TGFBR3: variants seen among roughly 807,000 people sequenced by gnomAD.
TGFBR3 encodes the protein transforming growth factor beta receptor type 3.
In TGFBR3, 46 loss-of-function variants were observed where a neutral mutation model predicts 87.9. The observed-to-expected ratio is 0.52, with a 90% CI of 0.41 to 0.67. TGFBR3 has a LOEUF of 0.67. TGFBR3 is among the 30% of genes least tolerant of loss of function. The pLI is 0.00. For missense variants in TGFBR3, 866 were observed against 1,041.9 expected, an observed-to-expected ratio of 0.83 and a Z score of 2.32; for synonymous variants, 381 against 391.6, an observed-to-expected ratio of 0.97 and a Z score of 0.32.
At chr1:91,746,249 T>C (rs1391511425) in intron 4 of TGFBR3, among the ~76,000 whole-genome samples, 2 of 152,166 alleles carry the variant, frequency 1.3e-5, no homozygotes, top group Non-Finnish European at 2.9e-5. Flanking sequence ...TGTGAGTGTG[T>C]ATATACACAA....
At chr1:91,786,536 A>G (rs1674968677) in intron 3 of TGFBR3, among the ~76,000 whole-genome samples, 1 of 152,098 alleles carries the variant, frequency 6.6e-6, no homozygotes, top group Admixed American at 6.5e-5. Flanking sequence ...GGATCACTTG[A>G]GGCCAGGAGT....
chr1:91,886,194 A>C (rs1361073518), upstream of TGFBR3: 1 of 453,228 alleles, frequency 2.2e-6, no homozygotes, highest in South Asian at 1.6e-5. Context: ...TCCCTCGCAC[A>C]CACGCGGGCG....
At chr1:91,781,385 T>C (rs1413643082) in intron 3 of TGFBR3, among the ~76,000 whole-genome samples, 1 of 152,186 alleles carries the variant, frequency 6.6e-6, no homozygotes, top group Non-Finnish European at 1.5e-5. Flanking sequence ...GAGCTAACTG[T>C]TCCCTCAGGG....
At chr1:91,890,409 C>CTTTTTTTTTTTTTTTT (rs1175619952), upstream of TGFBR3, among the ~76,000 whole-genome samples, 7 of 60,386 alleles carry the variant, frequency 1.2e-4, 2 homozygotes, top group African/African-American at 1.4e-4. Context: ...TCTCTATAAT[C>CTTTTTTTTTTTTTTTT]TTTTTTTTTT....
rs1405932050 is a variant in TGFBR3, at chr1:91,683,748, G to T, written c.2547C>A (p.Ser849Arg). 2.5e-5 allele frequency: 39 copies of T among 1,575,506 alleles called. No homozygotes were observed. The highest frequency in any genetic ancestry group is 3.3e-5 in the Non-Finnish European group (39 of 1,165,308). Residue 849 changes from serine to arginine, a missense_variant, in exon 17 of 17, where the codon AGC (serine) becomes AGA (arginine). Ser to Arg is a moderately radical substitution (Grantham distance 110). Coordinates refer to ENST00000212355, the MANE Select transcript of TGFBR3 (RefSeq NM_003243.5). ...STQSTPCSSSSTA is the reference protein window; with the variant it reads ...STQSTPCSSSRTA ...GTTGGGCTGGGTTGGGCTAGGCCGT[G>T]CTGCTGCTGGAGCAAGGCGTGCTCT...
intron 2 of TGFBR3, among the ~76,000 whole-genome samples, chr1:91,805,337 C>T (rs1385851915): frequency 6.6e-6 from 1 of 152,146 alleles, no homozygotes; most frequent in African/African-American, 2.4e-5. Flanking sequence ...TTAATCCTCC[C>T]CTGCTGGCTT....
intron 16 of TGFBR3, among the ~76,000 whole-genome samples, chr1:91,687,341 A>G (rs1475253326): frequency 1.3e-5 from 2 of 152,212 alleles, no homozygotes; most frequent in East Asian, 1.9e-4. Context: ...ACCAGGGGGA[A>G]GAAGAAAAAA....
chr1:91,762,916 T>G (rs1674024021), intron 3 of TGFBR3, among the ~76,000 whole-genome samples: 1 of 138,382 alleles, frequency 7.2e-6, no homozygotes, highest in Admixed American at 7.3e-5. Flanking sequence ...ACAAAGCCTC[T>G]GAGTGGAAAC....
chr1:91,798,683 G>T lies in TGFBR3; in HGVS notation c.62-1212C>A, dbSNP rs147268151. Reference sequence around the variant, plus strand: ...TATTGGTCGAATGTGACCTCTCTGAGGGCTGTGGGTACTCATCTTTGTATC... The same window carrying T: ...TATTGGTCGAATGTGACCTCTCTGATGGCTGTGGGTACTCATCTTTGTATC... On this transcript the variant is annotated intron_variant, in intron 2 of 16. Coordinates refer to ENST00000212355, the MANE Select transcript of TGFBR3 (RefSeq NM_003243.5). Among the ~76,000 whole-genome samples, 12 of 152,178 alleles carry T rather than the reference G, an allele frequency of 7.9e-5. No homozygotes were observed. In the East Asian group the frequency reaches 1.2e-3, roughly 15 times the overall value.
intron 2 of TGFBR3, among the ~76,000 whole-genome samples, chr1:91,860,626 T>C (rs911934460): frequency 6.6e-6 from 1 of 152,122 alleles, no homozygotes; most frequent in South Asian, 2.1e-4. Context: ...TCCAATCTCA[T>C]TTGGCCTCCA....
At chr1:91,695,839 A>C in intron 15 of TGFBR3, 60 bp from the exon 16 acceptor site, 2 of 1,330,804 alleles carry the variant, frequency 1.5e-6, no homozygotes, top group Non-Finnish European at 1.1e-6. Flanking sequence ...ATGCATTGCA[A>C]TTTTATATTT....
At chr1:91,697,765 A>G (rs1671481727) in intron 15 of TGFBR3, among the ~76,000 whole-genome samples, 1 of 152,222 alleles carries the variant, frequency 6.6e-6, no homozygotes, top group Non-Finnish European at 1.5e-5. Flanking sequence ...GAATTCTTGC[A>G]GGTTAGAGCA....
At chr1:91,737,717 G>A (rs1392175245) in intron 4 of TGFBR3, among the ~76,000 whole-genome samples, 1 of 152,144 alleles carries the variant, frequency 6.6e-6, no homozygotes, top group Non-Finnish European at 1.5e-5. Flanking sequence ...TCACATGTTT[G>A]CTTTTTCAGG....
intron 2 of TGFBR3, among the ~76,000 whole-genome samples, chr1:91,859,305 A>G (rs1332893498): frequency 6.6e-6 from 1 of 151,812 alleles, no homozygotes; most frequent in Non-Finnish European, 1.5e-5. Context: ...CCAGGCATCA[A>G]TGAAGGCAGA....
At chr1:91,757,255 G>A (rs1346737192) in intron 4 of TGFBR3, among the ~76,000 whole-genome samples, 1 of 151,924 alleles carries the variant, frequency 6.6e-6, no homozygotes, top group Non-Finnish European at 1.5e-5. Flanking sequence ...GTTTCTTCAT[G>A]ATTAGATTCA....
upstream of TGFBR3, among the ~76,000 whole-genome samples, chr1:91,889,952 G>A (rs984923882): frequency 1.3e-5 from 2 of 152,112 alleles, no homozygotes; most frequent in Non-Finnish European, 1.5e-5. Context: ...GTGAGCTGCC[G>A]TGCCCAGTTG....
intron 1 of TGFBR3, among the ~76,000 whole-genome samples, chr1:91,877,807 G>T (rs1678861339): frequency 6.6e-6 from 1 of 152,126 alleles, no homozygotes; most frequent in Admixed American, 6.6e-5. Flanking sequence ...TGGGCTGTTG[G>T]CATAAGTATT....
chr1:91,889,669 T>TTTTA (rs1679405027), upstream of TGFBR3, among the ~76,000 whole-genome samples: 1 of 152,042 alleles, frequency 6.6e-6, no homozygotes, highest in African/African-American at 2.4e-5. Flanking sequence ...CCCCTACCTC[T>TTTTA]TTTCTTTCTT....
At chr1:91,759,984 A>G (rs1557696433) in intron 3 of TGFBR3, among the ~76,000 whole-genome samples, 3 of 152,234 alleles carry the variant, frequency 2.0e-5, no homozygotes, top group South Asian at 4.1e-4. Context: ...CTTATGACCA[A>G]TGTCACTTAT....
Sources: gnomAD v4.1 joint callset for allele counts (sites outside exome capture counted in the v4.1 genomes callset) on GRCh38, gnomAD v4.1.1 for gene constraint, MANE v1.5 for transcripts, NCBI Gene and HGNC (gene_info 2026-07-23, HGNC 2026-07-21) for gene names.